The following TMEM245 variants were observed in gnomAD, a reference collection of about 807,000 sequenced individuals.
TMEM245 encodes the protein protein CG-2.
A neutral mutation model predicts 101.2 loss-of-function variants in TMEM245; 69 were observed. The ratio of observed to expected loss-of-function variants is 0.68; its 90% confidence interval spans 0.56 to 0.83. TMEM245 has a LOEUF of 0.83. Ranked by LOEUF, TMEM245 falls within the 40% of genes least tolerant of loss-of-function variation. TMEM245 has a pLI of 0.00. For synonymous variants in TMEM245, 537 were observed against 449.8 expected (o/e 1.19, Z -2.45); for missense variants, 1,075 against 1,092.8 (o/e 0.98, Z 0.23).
intron 1 of TMEM245, among the ~76,000 whole-genome samples, chr9:109,113,299 A>G (rs1830619268): frequency 6.6e-6 from 1 of 152,218 alleles, no homozygotes; most frequent in South Asian, 2.1e-4. Flanking sequence ...TAATTCTTAA[A>G]TCTTCACTAA....
At chr9:109,062,075 G>C (rs1829033455) in intron 10 of TMEM245, among the ~76,000 whole-genome samples, 1 of 152,126 alleles carries the variant, frequency 6.6e-6, no homozygotes, top group Admixed American at 6.6e-5. Flanking sequence ...CATGATCATG[G>C]CTCACTGAAG....
chr9:109,064,544 A>G lies in TMEM245; in HGVS notation c.1556T>C (p.Val519Ala). 1 of 1,613,898 alleles carries G rather than the reference A, an allele frequency of 6.2e-7. No individual in the cohort carries two copies. Among genetic ancestry groups the G allele is most frequent in the Non-Finnish European group, 8.5e-7 (1 of 1,179,824 alleles). ...AGCCGCAGAATTCAGGGCTCTTTGG[A>G]CTACCTGAGCCTCAGGAAGCCAACT... is the stretch of plus-strand genomic sequence containing the variant. The part of the protein sequence containing the change: ...WANWLPEAQV[V>A]QRALNSAANN... The change falls in exon 10 of 18, where the codon GTC becomes GCC. Residue 519 changes from valine to alanine, a missense_variant. Transcript: ENST00000374586.
rs758600434 is a variant in TMEM245, at chr9:109,108,493, T to G, written c.657A>C (p.Ala219=). The change falls in exon 2 of 18, where the codon GCA becomes GCC. Residue 219 remains alanine, a synonymous_variant. Coordinates refer to ENST00000374586, the MANE Select transcript of TMEM245 (RefSeq NM_032012.4). ...WNASTERYLR[A]VSIPVWIILL... is the part of the protein sequence containing the mutation. ...ATATAATCCAGACAGGAATTGAAAC[T>G]GCTCTCAAGTAGCGTTCAGTGCTTG... 6.3e-7 allele frequency: 1 copy of G among 1,599,760 alleles called. No homozygotes were observed. Among genetic ancestry groups the G allele is most frequent in the South Asian group, 1.1e-5 (1 of 88,544 alleles).
intron 10 of TMEM245, among the ~76,000 whole-genome samples, 160 bp downstream of exon 10, chr9:109,064,317 T>C (rs1829100070): frequency 6.6e-6 from 1 of 152,238 alleles, no homozygotes; most frequent in Non-Finnish European, 1.5e-5. Context: ...CCCTATTCAA[T>C]GTGATCTTTC....
intron 15 of TMEM245, among the ~76,000 whole-genome samples, chr9:109,037,009 G>C (rs533004683): frequency 6.6e-6 from 1 of 152,318 alleles, no homozygotes; most frequent in African/African-American, 2.4e-5. Context: ...AGGTCAGAGG[G>C]TAGGTTTGTG....
chr9:109,050,611 AG>A lies in TMEM245; in HGVS notation c.1935del (p.Phe646SerfsTer14), dbSNP rs1246414762. 6.2e-7 allele frequency: 1 copy of A among 1,613,770 alleles called. No homozygotes were observed. Among genetic ancestry groups the A allele is most frequent in the East Asian group, 2.2e-5 (1 of 44,878 alleles). On this transcript the variant is annotated frameshift_variant, in exon 13 of 18. Transcript: ENST00000374586. LOFTEE classifies it high-confidence loss of function. ...TTGAGAAGGGCTGTCCCGCTGTAGA[AG>A]AGGATGGTCAAGAGTGTAGTGACAG... ...FTTVTTLLTI[L>X]FYSGTALLNF...
At position 109,062,347 on chromosome 9, in the gene TMEM245, A is replaced by C. The variant is rs144040927; in HGVS notation, c.1624-1895T>G. 8.8e-3 allele frequency among the ~76,000 whole-genome samples: 1,346 copies of C among 152,322 alleles called. 10 individuals carry two copies. Among genetic ancestry groups the C allele is most frequent in the Non-Finnish European group, 0.013 (888 of 68,022 alleles). ...GCTATGCATTGGTAAACTGACTTCT[A>C]TAATAAGAAATATACCAATTAATGC... is the stretch of plus-strand genomic sequence containing the variant. On this transcript the variant is annotated intron_variant, in intron 10 of 17. Transcript: ENST00000374586.
intron 5 of TMEM245, among the ~76,000 whole-genome samples, chr9:109,088,634 A>G (rs1003884638): frequency 1.3e-5 from 2 of 151,750 alleles, no homozygotes; most frequent in African/African-American, 2.4e-5. Context: ...CCTGGCTAAC[A>G]GTGAAACCCC....
At chr9:109,042,059 C>A (rs1828326347) in intron 14 of TMEM245, among the ~76,000 whole-genome samples, 2 of 152,070 alleles carry the variant, frequency 1.3e-5, no homozygotes, top group South Asian at 4.1e-4. Flanking sequence ...TTATTCCTAG[C>A]AATCTCTGAA....
At chr9:109,097,374 G>GT (rs527975088) in intron 3 of TMEM245, among the ~76,000 whole-genome samples, 1,703 of 152,278 alleles carry the variant, frequency 0.011, 19 homozygotes, top group Middle Eastern at 0.058. Context: ...GCAGAGTGGC[G>GT]TAAGAATGCA....
intron 3 of TMEM245, among the ~76,000 whole-genome samples, chr9:109,097,473 G>C (rs1286449148): frequency 6.6e-6 from 1 of 152,198 alleles, no homozygotes; most frequent in East Asian, 1.9e-4. Flanking sequence ...GGTGAGGAAA[G>C]AAGACTCCCC....
chr9:109,086,047 A>G (rs1183638282), intron 6 of TMEM245, 27 bp from the exon 7 acceptor site: 5 of 1,611,704 alleles, frequency 3.1e-6, no homozygotes, highest in Admixed American at 3.3e-5. Flanking sequence ...AAGGTGAGAA[A>G]GAGAAGATAA....
chr9:109,108,654 C>T, intron 1 of TMEM245, 84 bp from the exon 2 acceptor site: 1 of 975,356 alleles, frequency 1.0e-6, no homozygotes, highest in South Asian at 1.7e-5. Flanking sequence ...AGTGTCTATA[C>T]AGCAGGAATG....
chr9:109,087,687 G>C (rs1333272816), intron 5 of TMEM245, among the ~76,000 whole-genome samples: 1 of 152,108 alleles, frequency 6.6e-6, no homozygotes, highest in African/African-American at 2.4e-5. Flanking sequence ...CCCCCTTCCT[G>C]GGTAAATAAT....
intron 3 of TMEM245, 108 bp downstream of exon 3, chr9:109,106,400 T>C (rs976349316): frequency 5.0e-6 from 3 of 597,646 alleles, no homozygotes; most frequent in Non-Finnish European, 8.3e-6. Context: ...TCAGAAACCA[T>C]CATAGGTTTT....
chr9:109,106,225 A>AAAAAATAAAATAAAAATATTTTATTTTAT (rs1554728349), intron 3 of TMEM245, among the ~76,000 whole-genome samples: 21,558 of 147,590 alleles, frequency 0.15, 1,769 homozygotes, highest in East Asian at 0.23. Context: ...CCTTGTCACT[A>AAAAAATAAAATAAAAATATTTTATTTTAT]AAAAATAAAA....
At chr9:109,033,214 T>A in intron 17 of TMEM245, 93 bp downstream of exon 17, 2 of 1,331,832 alleles carry the variant, frequency 1.5e-6, no homozygotes, top group Non-Finnish European at 2.0e-6. Flanking sequence ...AATACCTTTA[T>A]CCTGACAAGT....
intron 3 of TMEM245, among the ~76,000 whole-genome samples, chr9:109,098,555 A>C (rs1488422111): frequency 1.4e-5 from 2 of 146,256 alleles, no homozygotes; most frequent in African/African-American, 5.0e-5. Context: ...ATCAGAGTCC[A>C]AAAAAAAAAA....
chr9:109,083,429 A>T (rs1359689569), intron 7 of TMEM245, among the ~76,000 whole-genome samples: 1 of 152,208 alleles, frequency 6.6e-6, no homozygotes, highest in Admixed American at 6.5e-5. Flanking sequence ...AAATGTCCCC[A>T]ATCTTTCCAT....
Sources: gnomAD v4.1 joint callset for allele counts (sites outside exome capture counted in the v4.1 genomes callset) on GRCh38, gnomAD v4.1.1 for gene constraint, MANE v1.5 for transcripts, NCBI Gene and HGNC (gene_info 2026-07-23, HGNC 2026-07-21) for gene names.